The following OSBP2 variants were observed in gnomAD, a reference collection of about 807,000 sequenced individuals.
OSBP2 encodes the protein oxysterol-binding protein 2.
A neutral mutation model predicts 96.0 loss-of-function variants in OSBP2; 66 were observed. That is an observed-to-expected ratio of 0.69 (90% confidence interval 0.56 to 0.84). The LOEUF is 0.84. OSBP2 is among the 40% of genes least tolerant of loss of function. The pLI, the probability that OSBP2 is intolerant of heterozygous loss-of-function variation, is 0.00. For missense variants in OSBP2, 1,038 were observed against 1,222.7 expected (o/e 0.85, Z 2.25); for synonymous variants, 525 against 520.9 (o/e 1.01, Z -0.11).
chr22:30,786,309 C>T (rs2090589910), intron 2 of OSBP2, among the ~76,000 whole-genome samples: 1 of 152,128 alleles, frequency 6.6e-6, no homozygotes, highest in Non-Finnish European at 1.5e-5. Context: ...AGGTGTGAAC[C>T]ACTGCACCCA....
rs370057467 is a variant in OSBP2, at chr22:30,870,570, G to A, written c.995G>A (p.Arg332His). The A allele has an allele frequency of 9.3e-6, 15 of 1,613,876 alleles. No individual in the cohort carries two copies. The highest frequency in any genetic ancestry group is 4.5e-5 in the East Asian group (2 of 44,876). Residue 332 changes from arginine to histidine, a missense_variant, in exon 3 of 14, where the codon CGC becomes CAC. By Grantham distance (29) the Arg-to-His change is conservative. Coordinates refer to ENST00000332585, the MANE Select transcript of OSBP2 (RefSeq NM_030758.4). This position sits in a 1 kb window ranked among gnomAD's most constrained non-coding sequence, Gnocchi z 4.1. ...LIAKHGAALQ[R>H]SLTELDGLKI... ...GCCAAGCACGGCGCTGCACTCCAGC[G>A]CTCCCTGACAGAGCTGGACGGCCTC...
At chr22:30,842,298 A>AAAAAC (rs1044825672) in intron 2 of OSBP2, among the ~76,000 whole-genome samples, 1 of 152,108 alleles carries the variant, frequency 6.6e-6, no homozygotes, top group Non-Finnish European at 1.5e-5. Flanking sequence ...GCCCTGTCTC[A>AAAAAC]AAAACAAAAC....
At chr22:30,782,677 A>C (rs1489683037) in intron 2 of OSBP2, among the ~76,000 whole-genome samples, 1 of 152,182 alleles carries the variant, frequency 6.6e-6, no homozygotes, top group Non-Finnish European at 1.5e-5. Context: ...CTGTGGATGG[A>C]CATTTGAGTT....
At chr22:30,884,473 G>C (rs551153175) in intron 3 of OSBP2, among the ~76,000 whole-genome samples, 1 of 152,342 alleles carries the variant, frequency 6.6e-6, no homozygotes, top group Admixed American at 6.5e-5. Flanking sequence ...CACTCTGCTG[G>C]CTTCCTTGGG....
intron 1 of OSBP2, among the ~76,000 whole-genome samples, chr22:30,706,635 G>A (rs865921873): frequency 7.9e-5 from 12 of 152,070 alleles, no homozygotes; most frequent in African/African-American, 1.9e-4. Flanking sequence ...CCTGACCCTC[G>A]GCGTGATAGT....
intron 2 of OSBP2, among the ~76,000 whole-genome samples, chr22:30,806,767 C>A (rs2090934828): frequency 6.6e-6 from 1 of 152,136 alleles, no homozygotes; most frequent in South Asian, 2.1e-4. Flanking sequence ...CCTAGAGATA[C>A]CACTGAGCTG....
upstream of OSBP2, among the ~76,000 whole-genome samples, chr22:30,694,495 G>A (rs186485235): frequency 1.3e-5 from 2 of 152,308 alleles, no homozygotes; most frequent in Non-Finnish European, 2.9e-5. Context: ...TGGGTTGGGG[G>A]AGGGGGCGTC....
At chr22:30,754,621 T>C (rs747176774) in intron 2 of OSBP2, among the ~76,000 whole-genome samples, 7 of 152,164 alleles carry the variant, frequency 4.6e-5, no homozygotes, top group Non-Finnish European at 8.8e-5. Context: ...CAAGCTGCCT[T>C]ACCTTCCCCA....
rs773647723 is a variant in OSBP2, at chr22:30,893,563, C to A, written c.2091C>A (p.Asp697Glu). The change falls in exon 10 of 14, where the codon GAC (aspartate) becomes GAA (glutamate). Residue 697 changes from aspartate (D) to glutamate (E), a missense_variant. Physicochemically the swap from Asp to Glu is conservative, Grantham distance 45. This residue lies in a region of OSBP2 where 737 missense variants were observed against 913.3 expected (regional missense o/e 0.81). Transcript: ENST00000332585. ...TCATCGTGGGCAAGCTCTGGATCGA[C>A]CAGGTCAGGGGCGCCCTTGGGGAGG... ...HNIIVGKLWI[D>E]QSGDIEIVNH... is the part of the protein sequence containing the mutation. 9.3e-6 allele frequency: 15 copies of A among 1,614,064 alleles called. No individual in the cohort carries two copies. Among genetic ancestry groups the A allele is most frequent in the South Asian group, 6.6e-5 (6 of 91,082 alleles).
At chr22:30,808,652 G>A (rs183714361) in intron 2 of OSBP2, among the ~76,000 whole-genome samples, 109 of 152,286 alleles carry the variant, frequency 7.2e-4, no homozygotes, top group Middle Eastern at 3.4e-3. Flanking sequence ...GTCCTTATGA[G>A]AAGAGAGAAG....
chr22:30,708,636 C>T (rs546154034), intron 1 of OSBP2, among the ~76,000 whole-genome samples: 144 of 150,778 alleles, frequency 9.6e-4, no homozygotes, highest in African/African-American at 3.4e-3. Context: ...TTACAGGCGC[C>T]CACCATCATG....
intron 1 of OSBP2, among the ~76,000 whole-genome samples, chr22:30,725,545 C>CAAAAAA (rs71202009): frequency 1.4e-5 from 2 of 143,998 alleles, no homozygotes; most frequent in Admixed American, 7.0e-5. Context: ...AAAACAAAAA[C>CAAAAAA]AAAAAAAAAA....
At position 30,772,900 on chromosome 22, in the gene OSBP2, C is replaced by A. The variant is rs143048657; in HGVS notation, c.853+31531C>A. ...CTCCGTCTCCTGGGTTCAAGCAATT[C>A]TCCTGCCTCAGCCTTCCGAGTAGCT... On this transcript the variant is annotated intron_variant, in intron 2 of 13. Transcript: ENST00000332585. Among the ~76,000 whole-genome samples, 201 of 151,318 alleles carry A rather than the reference C, an allele frequency of 1.3e-3. 1 individual carries two copies. The highest frequency in any genetic ancestry group is 4.7e-3 in the African/African-American group (195 of 41,202).
intron 2 of OSBP2, among the ~76,000 whole-genome samples, chr22:30,842,051 ATCT>A (rs765581124): frequency 1.3e-5 from 2 of 151,820 alleles, no homozygotes; most frequent in Non-Finnish European, 2.9e-5. Context: ...GGCTCAGGTG[ATCT>A]TCTTACCTCA....
intron 1 of OSBP2, among the ~76,000 whole-genome samples, chr22:30,707,124 G>A (rs1474140132): frequency 2.0e-5 from 3 of 151,984 alleles, no homozygotes; most frequent in East Asian, 1.9e-4. Flanking sequence ...TTGAGACGGA[G>A]TCTAGCTTTG....
intron 2 of OSBP2, among the ~76,000 whole-genome samples, chr22:30,795,746 C>T (rs534826413): frequency 3.9e-5 from 6 of 151,964 alleles, no homozygotes; most frequent in Admixed American, 2.0e-4. Flanking sequence ...CTCAAACTCC[C>T]GACCTCAGGT....
intron 2 of OSBP2, among the ~76,000 whole-genome samples, chr22:30,835,318 A>G (rs2038609223): frequency 1.3e-5 from 2 of 152,110 alleles, no homozygotes; most frequent in Admixed American, 1.3e-4. Context: ...TAATTTTTTT[A>G]TATAGGGTAA....
intron 2 of OSBP2, among the ~76,000 whole-genome samples, chr22:30,816,126 A>T (rs745593020): frequency 1.9e-3 from 288 of 151,332 alleles, no homozygotes; most frequent in Non-Finnish European, 2.9e-3. Flanking sequence ...TTAAATAATT[A>T]AAAAAAAATA....
chr22:30,807,829 G>A (rs2090949695), intron 2 of OSBP2, among the ~76,000 whole-genome samples: 1 of 152,186 alleles, frequency 6.6e-6, no homozygotes, highest in African/African-American at 2.4e-5. Flanking sequence ...CCAGGCTGGT[G>A]TGCAGTGATG....
Sources: gnomAD v4.1 joint callset for allele counts (sites outside exome capture counted in the v4.1 genomes callset) on GRCh38, gnomAD v4.1.1 for gene constraint, gnomAD v4.1.1 regional missense constraint, Gnocchi (gnomAD v3.1) non-coding constraint, MANE v1.5 for transcripts, NCBI Gene and HGNC (gene_info 2026-07-23, HGNC 2026-07-21) for gene names.